IL1RAPL2: variants seen among roughly 807,000 people sequenced by gnomAD.
The protein encoded by IL1RAPL2 is X-linked interleukin-1 receptor accessory protein-like 2.
In IL1RAPL2, 3 loss-of-function variants were observed where a neutral mutation model predicts 44.1. The observed-to-expected ratio is 0.07, with a 90% CI of 0.03 to 0.18. The LOEUF is 0.18. Ranked by LOEUF, IL1RAPL2 falls within the 10% of genes least tolerant of loss-of-function variation. The probability of loss-of-function intolerance (pLI) is 1.00; values close to 1 mark genes in which losing one functional copy is unlikely to be tolerated. For synonymous variants in IL1RAPL2, 181 were observed against 178.8 expected (o/e 1.01, Z -0.10); for missense variants, 391 against 496.4 (o/e 0.79, Z 2.02).
At chrX:105,696,356 G>C (rs1157558511) in intron 6 of IL1RAPL2, among the ~76,000 whole-genome samples, 1 of 111,516 alleles carries the variant, frequency 9.0e-6, no homozygotes, top group African/African-American at 3.3e-5. Flanking sequence ...ATTCTGGATG[G>C]TTAGCGATCA....
chrX:104,672,211 C>T (rs889217383), intron 2 of IL1RAPL2, among the ~76,000 whole-genome samples: 1 of 111,203 alleles, frequency 9.0e-6, no homozygotes, highest in South Asian at 3.8e-4. Context: ...CCCACTAACT[C>T]GTCATCTAGC....
intron 3 of IL1RAPL2, among the ~76,000 whole-genome samples, chrX:105,223,319 C>A (rs1556184716): frequency 9.0e-6 from 1 of 111,262 alleles, no homozygotes; most frequent in Admixed American, 9.6e-5. Context: ...GAATATGGAG[C>A]AAGAAGAGTA....
chrX:105,074,757 A>G (rs2032265006), intron 2 of IL1RAPL2, among the ~76,000 whole-genome samples: 2 of 108,287 alleles, frequency 1.8e-5, no homozygotes, highest in African/African-American at 6.7e-5. Flanking sequence ...GGTTCTTCAC[A>G]TCCCTTGTAA....
chrX:105,009,981 A>G lies in IL1RAPL2; in HGVS notation c.83-185494A>G, dbSNP rs544613429. Reference sequence around the variant, plus strand: ...ACATAACTTTTTAATTAATTTTTTTATTTTTAAAATTTACTGTATAATATT... The same window carrying G: ...ACATAACTTTTTAATTAATTTTTTTGTTTTTAAAATTTACTGTATAATATT... On this transcript the variant is annotated intron_variant, in intron 2 of 10. Coordinates refer to ENST00000372582, the MANE Select transcript of IL1RAPL2 (RefSeq NM_017416.2). Among the ~76,000 whole-genome samples, 14 of 110,799 alleles carry G rather than the reference A, an allele frequency of 1.3e-4. 1 individual carries two copies. In the South Asian group the frequency reaches 5.2e-3, roughly 41 times the overall value.
At position 105,484,934 on chromosome X, in the gene IL1RAPL2, T is replaced by C. The variant is rs144890904; in HGVS notation, c.772+547T>C. ...TGAGTGCTATTGTCTTTTTACACAC[T>C]CAAATAAGAACACAAGGTGTTACAC... On this transcript the variant is annotated intron_variant, in intron 6 of 10. Coordinates refer to ENST00000372582, the MANE Select transcript of IL1RAPL2 (RefSeq NM_017416.2). Among the ~76,000 whole-genome samples the C allele has an allele frequency of 5.6e-3, 630 of 111,816 alleles. 5 individuals are homozygous for C. Among genetic ancestry groups the C allele is most frequent in the African/African-American group, 0.019 (586 of 30,834 alleles).
chrX:105,358,643 C>A (rs1294398443), intron 5 of IL1RAPL2, among the ~76,000 whole-genome samples: 1 of 100,777 alleles, frequency 9.9e-6, no homozygotes, highest in African/African-American at 3.8e-5. Flanking sequence ...CCACTGCACT[C>A]CAGCCTGGGC....
At position 104,582,566 on chromosome X, in the gene IL1RAPL2, CTCTT is replaced by C. The variant is rs1486560046; in HGVS notation, c.-20+15525_-20+15528del. On this transcript the variant is annotated intron_variant, in intron 1 of 10. Transcript: ENST00000372582. Reference sequence around the variant, plus strand: ...TCCTTCCTCCCCTTCCTCCTTTCTCCTCTTTCTTTCTTTTTCTTTCTTTCTTTCT... The same window carrying C: ...TCCTTCCTCCCCTTCCTCCTTTCTCCTCTTTCTTTTTCTTTCTTTCTTTCT... Among the ~76,000 whole-genome samples, 14 of 90,384 alleles carry C rather than the reference CTCTT, an allele frequency of 1.5e-4. No individual in the cohort carries two copies. In the South Asian group the frequency reaches 2.2e-3, roughly 15 times the overall value. The allele number at this position is 90,384 out of a possible 115,157, so 78.5% of individuals were successfully genotyped here. A position where few individuals can be genotyped will look rare whatever the true frequency, so the allele number is the denominator to read the frequency against.
At chrX:105,357,015 C>T (rs759229070) in intron 5 of IL1RAPL2, among the ~76,000 whole-genome samples, 4 of 111,471 alleles carry the variant, frequency 3.6e-5, no homozygotes, top group Non-Finnish European at 7.5e-5. Context: ...CATTTTGTCA[C>T]CCTCAGCCAC....
At chrX:105,078,414 C>A (rs2032345039) in intron 2 of IL1RAPL2, among the ~76,000 whole-genome samples, 1 of 110,570 alleles carries the variant, frequency 9.0e-6, no homozygotes, top group Admixed American at 9.6e-5. Context: ...AGAGGAGTAC[C>A]CGGGAGTGTG....
At chrX:105,292,866 C>A (rs1352144709) in intron 5 of IL1RAPL2, among the ~76,000 whole-genome samples, 3 of 109,235 alleles carry the variant, frequency 2.7e-5, no homozygotes, top group African/African-American at 1.0e-4. Context: ...GTAATCCCAG[C>A]ACTTTGGGAG....
At chrX:105,419,407 C>G (rs1445879281) in intron 5 of IL1RAPL2, among the ~76,000 whole-genome samples, 2 of 111,778 alleles carry the variant, frequency 1.8e-5, no homozygotes, top group Non-Finnish European at 3.8e-5. Context: ...TCACCACATA[C>G]ACAGTTACTT....
At chrX:104,736,566 TC>T (rs1269158693) in intron 2 of IL1RAPL2, among the ~76,000 whole-genome samples, 1 of 112,203 alleles carries the variant, frequency 8.9e-6, no homozygotes, top group African/African-American at 3.2e-5. Flanking sequence ...ATTTTACAGT[TC>T]TATGCTTCTA....
chrX:104,915,225 CT>C (rs1308706822), intron 2 of IL1RAPL2, among the ~76,000 whole-genome samples: 8 of 110,940 alleles, frequency 7.2e-5, no homozygotes, highest in African/African-American at 2.6e-4. Context: ...TCTCCAGCAC[CT>C]GTTGTTTCCT....
At chrX:104,760,095 T>A (rs779834749) in intron 2 of IL1RAPL2, among the ~76,000 whole-genome samples, 3 of 112,067 alleles carry the variant, frequency 2.7e-5, no homozygotes, top group African/African-American at 6.5e-5. Flanking sequence ...TGATCTCCGG[T>A]TCCATCCATG....
intron 2 of IL1RAPL2, among the ~76,000 whole-genome samples, chrX:104,897,230 G>A (rs756106946): frequency 1.8e-5 from 2 of 112,084 alleles, no homozygotes; most frequent in South Asian, 7.5e-4. Context: ...AAGAGAGCTG[G>A]ATGTCAAGAT....
chrX:105,635,452 CA>C (rs2037516650), intron 6 of IL1RAPL2, among the ~76,000 whole-genome samples: 1 of 111,389 alleles, frequency 9.0e-6, no homozygotes, highest in Non-Finnish European at 1.9e-5. Flanking sequence ...CACGGAAGGT[CA>C]GGGTGCCAGA....
At chrX:105,562,096 G>A (rs971462818) in intron 6 of IL1RAPL2, among the ~76,000 whole-genome samples, 5 of 111,454 alleles carry the variant, frequency 4.5e-5, no homozygotes, top group African/African-American at 1.3e-4. Flanking sequence ...TCACTGACCC[G>A]TGTTATATAT....
chrX:105,238,072 A>G (rs1207232393), intron 4 of IL1RAPL2, among the ~76,000 whole-genome samples: 2 of 112,378 alleles, frequency 1.8e-5, no homozygotes, highest in African/African-American at 6.5e-5. Flanking sequence ...TGGTAGAAGA[A>G]TATTTATGGA....
At chrX:105,345,283 A>G (rs1008278991) in intron 5 of IL1RAPL2, among the ~76,000 whole-genome samples, 8 of 111,784 alleles carry the variant, frequency 7.2e-5, no homozygotes, top group Non-Finnish European at 1.5e-4. Flanking sequence ...TTTATTTCCC[A>G]GTATAAACAA....
Sources: allele counts gnomAD v4.1 joint callset (sites outside exome capture counted in the v4.1 genomes callset), GRCh38; gene constraint gnomAD v4.1.1; transcripts MANE v1.5; gene names NCBI Gene and HGNC (gene_info 2026-07-23, HGNC 2026-07-21).